The following JAKMIP1 variants were observed in gnomAD, a reference collection of about 807,000 sequenced individuals.
JAKMIP1 encodes janus kinase and microtubule interacting protein 1.
A neutral mutation model predicts 113.0 loss-of-function variants in JAKMIP1; 33 were observed. The ratio of observed to expected loss-of-function variants is 0.29; its 90% CI spans 0.22 to 0.39. JAKMIP1 has a LOEUF of 0.39. JAKMIP1 is among the 10% of genes least tolerant of loss of function. JAKMIP1 has a pLI of 1.00. For synonymous variants in JAKMIP1, 480 were observed against 459.9 expected (o/e 1.04, Z -0.56); for missense variants, 813 against 1,080.5 (o/e 0.75, Z 3.47).
chr4:6,064,924 T>C lies in JAKMIP1; in HGVS notation c.1387A>G (p.Arg463Gly). Reference sequence around the variant, plus strand: ...GGCGTGGCTGGGGTCCTGTCTGTCCTGTCTGTGTTGTAGGATGTTTCGGAC... The same window carrying C: ...GGCGTGGCTGGGGTCCTGTCTGTCCCGTCTGTGTTGTAGGATGTTTCGGAC... ...TLSETSYNTD[R>G]TDRTPATPEE... is the part of the protein sequence containing the mutation. Residue 463 changes from arginine to glycine, a missense_variant, in exon 9 of 21, where the codon AGG (arginine) becomes GGG (glycine). Arg to Gly is a moderately radical substitution (Grantham distance 125). Coordinates refer to ENST00000409021, the MANE Select transcript of JAKMIP1 (RefSeq NM_001099433.2). The surrounding 1 kb of genome is among the most constrained non-coding windows in gnomAD (Gnocchi z 4.3). 6.2e-7 allele frequency: 1 copy of C among 1,614,174 alleles called. No homozygotes were observed. The highest frequency in any genetic ancestry group is 8.5e-7 in the Non-Finnish European group (1 of 1,180,040).
Position 6,162,784 on chromosome 4 carries a change from G to A in JAKMIP1, c.-148+37469C>T, listed in dbSNP as rs1723125824. ...GTCACCCAGCCAGGAGCCAGGTGTG[G>A]GACCCAAGTGTTCCCCATTCCAAAG... On this transcript the variant is annotated intron_variant, in intron 1 of 20. Coordinates refer to ENST00000409021, the MANE Select transcript of JAKMIP1 (RefSeq NM_001099433.2). The surrounding 1 kb of genome is among the most constrained non-coding windows in gnomAD (Gnocchi z 5.6). 6.6e-6 allele frequency among the ~76,000 whole-genome samples: 1 copy of A among 152,128 alleles called. No individual in the cohort carries two copies. Among genetic ancestry groups the A allele is most frequent in the Non-Finnish European group, 1.5e-5 (1 of 68,034 alleles).
In JAKMIP1 at chr4:6,162,799, C is replaced by G. The variant is rs908926951; in HGVS notation, c.-148+37454G>C. Among the ~76,000 whole-genome samples, 2 of 152,150 alleles carry G rather than the reference C, an allele frequency of 1.3e-5. No homozygotes were observed. Among genetic ancestry groups the G allele is most frequent in the Non-Finnish European group, 2.9e-5 (2 of 68,032 alleles). On this transcript the variant is annotated intron_variant, in intron 1 of 20. Coordinates refer to ENST00000409021, the MANE Select transcript of JAKMIP1 (RefSeq NM_001099433.2). This position sits in a 1 kb window ranked among gnomAD's most constrained non-coding sequence, Gnocchi z 5.6. ...GCCAGGTGTGGGACCCAAGTGTTCC[C>G]CATTCCAAAGCCTGGGTCCCTAACC...
At chr4:6,118,610 C>A (rs1716196406) in intron 1 of JAKMIP1, among the ~76,000 whole-genome samples, 1 of 152,168 alleles carries the variant, frequency 6.6e-6, no homozygotes, top group Non-Finnish European at 1.5e-5. Context: ...GCACTGGGTG[C>A]AAGGCCTTGT....
At chr4:6,072,419 C>T (rs1719095145) in intron 8 of JAKMIP1, among the ~76,000 whole-genome samples, 1 of 152,196 alleles carries the variant, frequency 6.6e-6, no homozygotes, top group African/African-American at 2.4e-5. Flanking sequence ...CTGCCCATGC[C>T]CTCTTTACCT....
intron 3 of JAKMIP1, among the ~76,000 whole-genome samples, chr4:6,101,830 C>G (rs961177687): frequency 6.6e-6 from 1 of 150,930 alleles, no homozygotes; most frequent in African/African-American, 2.4e-5. Context: ...TGCTTGAACC[C>G]AGGAGGCAGA....
rs1462308819 is a variant in JAKMIP1, at chr4:6,200,173, G to A, written c.-148+80C>T. The A allele has an allele frequency of 6.6e-6, 1 of 152,010 alleles. No homozygotes were observed. The highest frequency in any genetic ancestry group is 1.5e-5 in the Non-Finnish European group (1 of 68,082). 9.4% of individuals were successfully genotyped at this position (152,010 alleles called of 1,614,324 possible). ...CCGGTCGCCGCGTCCCTTGCCGCCA[G>A]GTCCGCCCCTCGGTCGCCGGGTCCA... On this transcript the variant is annotated intron_variant, in intron 1 of 20. Coordinates refer to ENST00000409021, the MANE Select transcript of JAKMIP1 (RefSeq NM_001099433.2). The surrounding 1 kb of genome is among the most constrained non-coding windows in gnomAD (Gnocchi z 7.0).
chr4:6,173,015 T>A (rs141951860), intron 1 of JAKMIP1, among the ~76,000 whole-genome samples: 1 of 152,158 alleles, frequency 6.6e-6, no homozygotes, highest in African/African-American at 2.4e-5. Flanking sequence ...GAAACTTCAA[T>A]GTTAGCAGGA....
intron 1 of JAKMIP1, among the ~76,000 whole-genome samples, chr4:6,147,023 A>G (rs1264778962): frequency 6.6e-6 from 1 of 152,008 alleles, no homozygotes; most frequent in Non-Finnish European, 1.5e-5. Flanking sequence ...CAATGGCATG[A>G]TCTCGGCTCA....
rs181578246 is a variant in JAKMIP1 at position 6,183,110 on chromosome 4, C to G, written c.-148+17143G>C. ...ACAGAACAAAGAGCTAAACATGATA[C>G]AGGCAGATAACAATACCACAGATAT... On this transcript the variant is annotated intron_variant, in intron 1 of 20. Coordinates refer to ENST00000409021, the MANE Select transcript of JAKMIP1 (RefSeq NM_001099433.2). The surrounding 1 kb of genome is among the most constrained non-coding windows in gnomAD (Gnocchi z 5.3). 1.8e-4 allele frequency among the ~76,000 whole-genome samples: 27 copies of G among 152,334 alleles called. No homozygotes were observed. The East Asian group carries it at 5.2e-3, about 29-fold the overall frequency.
rs1234331160 is a variant in JAKMIP1, at chr4:6,106,928, T to A, written c.130-961A>T. Among the ~76,000 whole-genome samples, 3 of 152,184 alleles carry A rather than the reference T, an allele frequency of 2.0e-5. No individual in the cohort carries two copies. The highest frequency in any genetic ancestry group is 7.2e-5 in the African/African-American group (3 of 41,456). ...CAATGTTTTTCCCCAGACCACACTG[T>A]TGATAGCATAGTCACATGTTAAAAT... On this transcript the variant is annotated intron_variant, in intron 2 of 20. Coordinates refer to ENST00000409021, the MANE Select transcript of JAKMIP1 (RefSeq NM_001099433.2). The surrounding 1 kb of genome is among the most constrained non-coding windows in gnomAD (Gnocchi z 5.9).
chr4:6,121,284 A>G (rs1486287257), intron 1 of JAKMIP1, among the ~76,000 whole-genome samples: 2 of 151,948 alleles, frequency 1.3e-5, no homozygotes, highest in Non-Finnish European at 2.9e-5. Flanking sequence ...TTTGCCAACA[A>G]TGTCCATAGC....
At chr4:6,171,923 G>A (rs2109024483) in intron 1 of JAKMIP1, among the ~76,000 whole-genome samples, 1 of 152,328 alleles carries the variant, frequency 6.6e-6, no homozygotes, top group East Asian at 1.9e-4. Context: ...GCAAAGCCAT[G>A]CAGACATTTA....
At position 6,157,931 on chromosome 4, in the gene JAKMIP1, C is replaced by A. The variant is rs1193084075; in HGVS notation, c.-148+42322G>T. On this transcript the variant is annotated intron_variant, in intron 1 of 20. Transcript: ENST00000409021. This position sits in a 1 kb window ranked among gnomAD's most constrained non-coding sequence, Gnocchi z 4.7. Reference sequence around the variant, plus strand: ...TTGCTTTGCATCAGCAGCACTAACTCCTGATGCAACAGCTTTCTTTCTATG... The same window carrying A: ...TTGCTTTGCATCAGCAGCACTAACTACTGATGCAACAGCTTTCTTTCTATG... 1.3e-5 allele frequency among the ~76,000 whole-genome samples: 2 copies of A among 152,228 alleles called. No individual in the cohort carries two copies. The highest frequency in any genetic ancestry group is 3.8e-4 in the East Asian group (2 of 5,202).
chr4:6,142,768 G>A lies in JAKMIP1; in HGVS notation c.-147-29771C>T, dbSNP rs1214341292. ...CGCAGGCAGAGATCAGTTCATGAAG[G>A]CAGAGCTGGTTATGTGGCAGATCCT... On this transcript the variant is annotated intron_variant, in intron 1 of 20. Transcript: ENST00000409021. This position sits in a 1 kb window ranked among gnomAD's most constrained non-coding sequence, Gnocchi z 5.5. Among the ~76,000 whole-genome samples, 2 of 152,190 alleles carry A rather than the reference G, an allele frequency of 1.3e-5. No individual in the cohort carries two copies. The highest frequency in any genetic ancestry group is 2.9e-5 in the Non-Finnish European group (2 of 68,042).
chr4:6,121,844 A>G (rs538334387), intron 1 of JAKMIP1, among the ~76,000 whole-genome samples: 3 of 152,364 alleles, frequency 2.0e-5, no homozygotes, highest in African/African-American at 7.2e-5. Context: ...AACAAAAGCC[A>G]TCTGTGGACC....
At chr4:6,126,833 CCA>C (rs767842103) in intron 1 of JAKMIP1, among the ~76,000 whole-genome samples, 2 of 151,942 alleles carry the variant, frequency 1.3e-5, no homozygotes, top group Admixed American at 6.6e-5. Context: ...AACCCATGCA[CCA>C]CACACAGACA....
In JAKMIP1 at chr4:6,081,340, C is replaced by A. The variant is rs1720509813; in HGVS notation, c.1101+269G>T. On this transcript the variant is annotated intron_variant, in intron 6 of 20. Transcript: ENST00000409021. The surrounding 1 kb of genome is among the most constrained non-coding windows in gnomAD (Gnocchi z 4.6). Reference sequence around the variant, plus strand: ...TGGATATTTTCATTCCCATTTTATGCATGAAGAAACAGAGGCTCAGAGAGA... The same window carrying A: ...TGGATATTTTCATTCCCATTTTATGAATGAAGAAACAGAGGCTCAGAGAGA... 6.6e-6 allele frequency among the ~76,000 whole-genome samples: 1 copy of A among 152,170 alleles called. No individual in the cohort carries two copies. Among genetic ancestry groups the A allele is most frequent in the Non-Finnish European group, 1.5e-5 (1 of 68,040 alleles).
At chr4:6,144,011 C>A (rs1380649296) in intron 1 of JAKMIP1, among the ~76,000 whole-genome samples, 2 of 152,144 alleles carry the variant, frequency 1.3e-5, no homozygotes, top group African/African-American at 4.8e-5. Flanking sequence ...TCGGGCCCAG[C>A]TTAGAGCCTG....
intron 5 of JAKMIP1, among the ~76,000 whole-genome samples, chr4:6,083,608 A>C (rs987298058): frequency 5.4e-5 from 7 of 130,102 alleles, no homozygotes; most frequent in Admixed American, 5.3e-4. Context: ...GATTAAAGCC[A>C]AAAAAAAAAA....
Sources: gnomAD v4.1 joint callset for allele counts (sites outside exome capture counted in the v4.1 genomes callset) on GRCh38, gnomAD v4.1.1 for gene constraint, Gnocchi (gnomAD v3.1) non-coding constraint, MANE v1.5 for transcripts, NCBI Gene and HGNC (gene_info 2026-07-23, HGNC 2026-07-21) for gene names.